DPYD: variants seen among roughly 807,000 people sequenced by gnomAD.
DPYD encodes dihydropyrimidine dehydrogenase.
In DPYD, 109 loss-of-function variants were observed where a neutral mutation model predicts 116.2. That is an observed-to-expected ratio of 0.94 (90% CI 0.80 to 1.10). The LOEUF (loss-of-function observed/expected upper bound fraction) is 1.10. Among genes scored for constraint, DPYD ranks in the 50% least tolerant of loss-of-function variants. The pLI, the probability that DPYD is intolerant of heterozygous loss-of-function variation, is 0.00. For synonymous variants in DPYD, 440 were observed against 432.0 expected, an observed-to-expected ratio of 1.02 and a Z score of -0.23; for missense variants, 1,302 against 1,254.5, an observed-to-expected ratio of 1.04 and a Z score of -0.57.
intron 2 of DPYD, among the ~76,000 whole-genome samples, chr1:97,854,294 G>C (rs535429021): frequency 6.6e-6 from 1 of 152,174 alleles, no homozygotes; most frequent in African/African-American, 2.4e-5. Flanking sequence ...TACAGATGTT[G>C]AGACTTTAAT....
chr1:97,216,128 T>C (rs1377850730), intron 19 of DPYD, among the ~76,000 whole-genome samples: 2 of 152,220 alleles, frequency 1.3e-5, no homozygotes, highest in Admixed American at 1.3e-4. Context: ...TCTCCATTTT[T>C]AATTTCCCAC....
chr1:97,474,255 C>T (rs1371822742), intron 13 of DPYD, among the ~76,000 whole-genome samples: 1 of 151,804 alleles, frequency 6.6e-6, no homozygotes, highest in Non-Finnish European at 1.5e-5. Flanking sequence ...ACCAGAAATG[C>T]AATTAATTTG....
chr1:97,619,952 CA>C (rs979446343), intron 8 of DPYD, among the ~76,000 whole-genome samples: 1 of 149,560 alleles, frequency 6.7e-6, no homozygotes, highest in African/African-American at 2.5e-5. Flanking sequence ...ATTCTAAATA[CA>C]AAAAAGCTGA....
chr1:97,867,721 G>A lies in DPYD; in HGVS notation c.150+15543C>T, dbSNP rs78749467. 6.7e-3 allele frequency among the ~76,000 whole-genome samples: 1,018 copies of A among 151,790 alleles called. 16 individuals are homozygous for A. The highest frequency in any genetic ancestry group is 0.024 in the African/African-American group (992 of 41,466). ...ATCATTAGGTGTAGAAAAAATGTAC[G>A]TGAACACAATAAAAGCCATGTATCA... is the stretch of plus-strand genomic sequence containing the variant. On this transcript the variant is annotated intron_variant, in intron 2 of 22. Coordinates refer to ENST00000370192, the MANE Select transcript of DPYD (RefSeq NM_000110.4).
At chr1:97,894,865 C>T (rs1013888012) in intron 1 of DPYD, among the ~76,000 whole-genome samples, 24 of 151,484 alleles carry the variant, frequency 1.6e-4, no homozygotes, top group African/African-American at 4.8e-4. Flanking sequence ...GGCAAAGCAT[C>T]CATATATTAC....
At chr1:97,864,933 G>T (rs1207783141) in intron 2 of DPYD, among the ~76,000 whole-genome samples, 1 of 151,830 alleles carries the variant, frequency 6.6e-6, no homozygotes, top group Non-Finnish European at 1.5e-5. Context: ...GAGGGCAAGA[G>T]ATTTATTTAG....
chr1:97,085,491 A>G (rs1422796982), intron 21 of DPYD, among the ~76,000 whole-genome samples: 1 of 152,220 alleles, frequency 6.6e-6, no homozygotes, highest in African/African-American at 2.4e-5. Context: ...ATCCCTTATT[A>G]AGTACAATTT....
chr1:97,201,013 A>G (rs1157408490), intron 19 of DPYD, among the ~76,000 whole-genome samples: 2 of 152,136 alleles, frequency 1.3e-5, no homozygotes. Flanking sequence ...GGCCAACAGT[A>G]AGACTCAGAA....
intron 2 of DPYD, among the ~76,000 whole-genome samples, chr1:97,868,000 C>T (rs758505359): frequency 2.0e-5 from 3 of 151,436 alleles, no homozygotes; most frequent in Middle Eastern, 3.2e-3. Context: ...ATAGTTCAAA[C>T]TAATAAACAA....
chr1:97,653,364 G>A (rs1480666484), intron 8 of DPYD, among the ~76,000 whole-genome samples: 2 of 149,924 alleles, frequency 1.3e-5, no homozygotes, highest in Non-Finnish European at 1.5e-5. Flanking sequence ...GAGTGCAGTG[G>A]TGCCATCTCA....
At chr1:97,730,379 G>A (rs1364206453) in intron 4 of DPYD, among the ~76,000 whole-genome samples, 2 of 151,868 alleles carry the variant, frequency 1.3e-5, no homozygotes, top group African/African-American at 2.4e-5. Context: ...GCACCATCAC[G>A]CCCGGCTAAT....
intron 14 of DPYD, among the ~76,000 whole-genome samples, chr1:97,399,876 C>G (rs144409461): frequency 1.3e-5 from 2 of 152,116 alleles, no homozygotes; most frequent in African/African-American, 2.4e-5. Context: ...TCTAGATACA[C>G]GATCATGTCA....
chr1:97,665,295 A>G (rs1659497233), intron 8 of DPYD, among the ~76,000 whole-genome samples: 1 of 152,192 alleles, frequency 6.6e-6, no homozygotes, highest in South Asian at 2.1e-4. Context: ...TTGAGTCCAT[A>G]TACTTAAAAT....
At chr1:97,082,595 A>T in intron 21 of DPYD, 125 bp from the exon 22 acceptor site, 5 of 1,133,424 alleles carry the variant, frequency 4.4e-6, no homozygotes, top group Non-Finnish European at 6.5e-6. Context: ...GAGACTGGAT[A>T]GTATAATTCT....
intron 2 of DPYD, among the ~76,000 whole-genome samples, chr1:97,843,358 A>C (rs756378642): frequency 8.5e-5 from 13 of 152,156 alleles, no homozygotes; most frequent in South Asian, 4.1e-4. Flanking sequence ...ATTCAGATTT[A>C]GTAGAAGAGG....
At chr1:97,344,256 T>A (rs1669727193) in intron 16 of DPYD, among the ~76,000 whole-genome samples, 1 of 151,874 alleles carries the variant, frequency 6.6e-6, no homozygotes, top group Non-Finnish European at 1.5e-5. Flanking sequence ...ATTCTAGAAG[T>A]AGGGCAGTAT....
chr1:97,615,642 A>G (rs527245063), intron 8 of DPYD, among the ~76,000 whole-genome samples: 88 of 152,096 alleles, frequency 5.8e-4, no homozygotes, highest in Non-Finnish European at 7.4e-5. Flanking sequence ...CAAAAAAATA[A>G]CCTCCCAAAC....
At chr1:97,338,835 T>C (rs1669440329) in intron 16 of DPYD, among the ~76,000 whole-genome samples, 1 of 152,042 alleles carries the variant, frequency 6.6e-6, no homozygotes, top group African/African-American at 2.4e-5. Flanking sequence ...AAATCTACAT[T>C]ACAAGGAAGT....
chr1:97,120,830 G>A (rs1557874712), intron 20 of DPYD, among the ~76,000 whole-genome samples: 1 of 152,116 alleles, frequency 6.6e-6, no homozygotes, highest in South Asian at 2.1e-4. Context: ...AAAATAATCT[G>A]GGACCACAGT....
Sources: allele counts gnomAD v4.1 joint callset (sites outside exome capture counted in the v4.1 genomes callset), GRCh38; gene constraint gnomAD v4.1.1; transcripts MANE v1.5; gene names NCBI Gene and HGNC (gene_info 2026-07-23, HGNC 2026-07-21).